CPED1: variants seen among roughly 807,000 people sequenced by gnomAD.
CPED1 encodes the protein cadherin like and PC-esterase domain containing 1.
A neutral mutation model predicts 128.2 loss-of-function variants in CPED1; 114 were observed. The observed-to-expected ratio is 0.89, with a 90% CI of 0.76 to 1.04. The LOEUF (loss-of-function observed/expected upper bound fraction) is 1.04, where lower values mean the gene tolerates loss of function less well. Ranked by LOEUF, CPED1 falls within the 50% of genes least tolerant of loss-of-function variation. The pLI, the probability that CPED1 is intolerant of heterozygous loss-of-function variation, is 0.00. For missense variants in CPED1, 1,211 were observed against 1,207.1 expected (o/e 1.00, Z -0.05); for synonymous variants, 462 against 426.7 (o/e 1.08, Z -1.02).
In CPED1 at chr7:121,064,304, A is replaced by C. The variant is rs199871005; in HGVS notation, c.607A>C (p.Arg203=). 2.5e-6 allele frequency: 4 copies of C among 1,610,846 alleles called. No homozygotes were observed. Among genetic ancestry groups the C allele is most frequent in the Non-Finnish European group, 3.4e-6 (4 of 1,177,222 alleles). ...RKEGLCQIVR[R]FPELQLPVSP... ...GGAAGGATTATGTCAAATAGTTAGAAGATTCCCAGGTAATCTTTCGTTTGC... is the reference window on the plus strand; with the variant it reads ...GGAAGGATTATGTCAAATAGTTAGACGATTCCCAGGTAATCTTTCGTTTGC... Residue 203 remains arginine, a synonymous_variant, in exon 5 of 23, where the codon AGA becomes CGA. Transcript: ENST00000310396.
rs372330091 is a variant in CPED1 at position 121,171,796 on chromosome 7, C to G, written c.2055+29655C>G. On this transcript the variant is annotated intron_variant, in intron 16 of 22. Coordinates refer to ENST00000310396, the MANE Select transcript of CPED1 (RefSeq NM_024913.5). ...CTTACTGTTTTGAAATCTAACAATGCCTAGGAATTGGATATCTTGATTTAA... is the reference window on the plus strand; with the variant it reads ...CTTACTGTTTTGAAATCTAACAATGGCTAGGAATTGGATATCTTGATTTAA... Among the ~76,000 whole-genome samples the G allele has an allele frequency of 1.8e-4, 27 of 152,088 alleles. 3 individuals carry two copies. In the East Asian group the frequency reaches 3.5e-3, roughly 20 times the overall value.
At chr7:121,042,129 TA>T (rs10615785) in intron 3 of CPED1, among the ~76,000 whole-genome samples, 79,859 of 149,856 alleles carry the variant, frequency 0.53, 22,843 homozygotes, top group African/African-American at 0.76. Context: ...TTTTAATTGT[TA>T]AAAAAAAAAA....
At chr7:121,221,356 T>C (rs1248576824) in intron 16 of CPED1, among the ~76,000 whole-genome samples, 1 of 152,206 alleles carries the variant, frequency 6.6e-6, no homozygotes, top group Non-Finnish European at 1.5e-5. Flanking sequence ...CTTAATCTAG[T>C]CTATCATTGG....
At chr7:121,263,022 A>G (rs1160092280) in intron 18 of CPED1, among the ~76,000 whole-genome samples, 5 of 152,112 alleles carry the variant, frequency 3.3e-5, no homozygotes, top group Non-Finnish European at 7.4e-5. Context: ...CTAGAATAAC[A>G]TAATCCTCTA....
intron 5 of CPED1, among the ~76,000 whole-genome samples, chr7:121,092,016 T>A (rs768899197): frequency 5.3e-5 from 8 of 152,200 alleles, no homozygotes; most frequent in Admixed American, 2.0e-4. Context: ...CTCAGTGTCC[T>A]TGTAAGGAGC....
intron 4 of CPED1, among the ~76,000 whole-genome samples, chr7:121,057,350 A>T (rs1186072006): frequency 6.6e-6 from 1 of 152,108 alleles, no homozygotes; most frequent in East Asian, 1.9e-4. Context: ...ACATGGGTAT[A>T]TTGTATAATG....
At chr7:121,274,310 G>A (rs1483010855) in intron 22 of CPED1, among the ~76,000 whole-genome samples, 1 of 152,122 alleles carries the variant, frequency 6.6e-6, no homozygotes, top group Non-Finnish European at 1.5e-5. Flanking sequence ...AATTATTACT[G>A]ATTAAAATTA....
intron 18 of CPED1, among the ~76,000 whole-genome samples, chr7:121,250,098 G>T (rs1482388576): frequency 2.6e-5 from 4 of 152,128 alleles, no homozygotes; most frequent in Non-Finnish European, 5.9e-5. Flanking sequence ...AAATGTAAAA[G>T]AACATAAATT....
At chr7:121,105,165 G>A (rs1360953830) in intron 7 of CPED1, among the ~76,000 whole-genome samples, 2 of 152,038 alleles carry the variant, frequency 1.3e-5, no homozygotes, top group Non-Finnish European at 2.9e-5. Flanking sequence ...GGCAAAGAGA[G>A]GAATGGTGTT....
chr7:121,093,035 GTTCTC>G (rs1490487155), intron 5 of CPED1, among the ~76,000 whole-genome samples: 2 of 152,132 alleles, frequency 1.3e-5, no homozygotes, highest in African/African-American at 4.8e-5. Context: ...GAAGATTTTT[GTTCTC>G]TTCTAGCAAC....
intron 7 of CPED1, among the ~76,000 whole-genome samples, chr7:121,106,090 T>C (rs1003255418): frequency 2.6e-5 from 4 of 152,092 alleles, no homozygotes; most frequent in African/African-American, 4.8e-5. Context: ...TCGTTGTCTA[T>C]CATCCTTATT....
At chr7:121,216,516 C>G (rs904627833) in intron 16 of CPED1, among the ~76,000 whole-genome samples, 1 of 151,966 alleles carries the variant, frequency 6.6e-6, no homozygotes, top group African/African-American at 2.4e-5. Context: ...AGAAAGAATA[C>G]TGGGAGGAAA....
chr7:121,117,077 TTATATATATATATATATATATAAA>T (rs1180937780), intron 7 of CPED1, among the ~76,000 whole-genome samples: 3 of 128,804 alleles, frequency 2.3e-5, no homozygotes, highest in Non-Finnish European at 4.7e-5. Flanking sequence ...TATATACACA[TTATATATATATATATATATATAAA>T]TATATATATA....
chr7:121,080,786 G>A (rs1448446899), intron 5 of CPED1, among the ~76,000 whole-genome samples: 2 of 152,010 alleles, frequency 1.3e-5, no homozygotes, highest in Non-Finnish European at 2.9e-5. Context: ...GGTGTTGGGG[G>A]ATATACTGTT....
chr7:121,172,803 T>C (rs1796683926), intron 16 of CPED1, among the ~76,000 whole-genome samples: 1 of 152,108 alleles, frequency 6.6e-6, no homozygotes, highest in Non-Finnish European at 1.5e-5. Context: ...TAAGGAAACC[T>C]AGAGTAAATG....
intron 2 of CPED1, among the ~76,000 whole-genome samples, chr7:120,997,505 C>T (rs1796426668): frequency 6.6e-6 from 1 of 152,158 alleles, no homozygotes; most frequent in Non-Finnish European, 1.5e-5. Context: ...TATGTTGAAG[C>T]CCTAAACTCC....
intron 18 of CPED1, among the ~76,000 whole-genome samples, chr7:121,249,207 C>G (rs941920080): frequency 1.3e-5 from 2 of 152,092 alleles, no homozygotes; most frequent in Non-Finnish European, 2.9e-5. Context: ...AACTCATTGG[C>G]ATTCCTGAGA....
chr7:121,063,240 TTCA>T (rs1793726673), intron 4 of CPED1, among the ~76,000 whole-genome samples: 2 of 152,112 alleles, frequency 1.3e-5, no homozygotes, highest in African/African-American at 2.4e-5. Context: ...TGGGGAAGAT[TTCA>T]TCAATGCACA....
chr7:121,137,985 T>C (rs1472163430), intron 14 of CPED1, among the ~76,000 whole-genome samples: 3 of 152,092 alleles, frequency 2.0e-5, no homozygotes, highest in African/African-American at 7.2e-5. Flanking sequence ...CCATGTAATA[T>C]GGTGTAGATG....
Sources: gnomAD v4.1 joint callset for allele counts (sites outside exome capture counted in the v4.1 genomes callset) on GRCh38, gnomAD v4.1.1 for gene constraint, MANE v1.5 for transcripts, NCBI Gene and HGNC (gene_info 2026-07-23, HGNC 2026-07-21) for gene names.